The following MIPOL1 variants were observed in gnomAD, a reference collection of about 807,000 sequenced individuals.
The protein encoded by MIPOL1 is mirror-image polydactyly 1, also known as mirror-image polydactyly gene 1 protein.
In MIPOL1, 57 loss-of-function variants were observed where a neutral mutation model predicts 60.9. The observed-to-expected ratio is 0.94, with a 90% CI of 0.76 to 1.17. The LOEUF (loss-of-function observed/expected upper bound fraction) is 1.17, where lower values mean the gene tolerates loss of function less well. Among genes scored for constraint, MIPOL1 ranks in the 50% most tolerant of loss-of-function variants. The probability of loss-of-function intolerance (pLI) is 0.00; values close to 1 mark genes in which losing one functional copy is unlikely to be tolerated. For missense variants in MIPOL1, 551 were observed against 511.6 expected, an observed-to-expected ratio of 1.08 and a Z score of -0.74; for synonymous variants, 179 against 168.8, an observed-to-expected ratio of 1.06 and a Z score of -0.47.
chr14:37,321,021 G>A (rs1246039775), intron 9 of MIPOL1, among the ~76,000 whole-genome samples: 16 of 152,002 alleles, frequency 1.1e-4, no homozygotes, highest in African/African-American at 3.9e-4. Context: ...CTTAATTTGT[G>A]ATAGTGTAAG....
intron 12 of MIPOL1, among the ~76,000 whole-genome samples, chr14:37,516,229 A>G (rs1003407187): frequency 6.6e-6 from 1 of 152,208 alleles, no homozygotes; most frequent in African/African-American, 2.4e-5. Flanking sequence ...TATACAGGTC[A>G]GTGTCTCAGA....
At chr14:37,370,722 G>A (rs1156952776) in intron 10 of MIPOL1, among the ~76,000 whole-genome samples, 1 of 152,060 alleles carries the variant, frequency 6.6e-6, no homozygotes, top group Non-Finnish European at 1.5e-5. Flanking sequence ...TGTTATATTT[G>A]TCTAATGCAC....
chr14:37,515,095 C>T, intron 12 of MIPOL1, among the ~76,000 whole-genome samples: 1 of 152,126 alleles, frequency 6.6e-6, no homozygotes, highest in African/African-American at 2.4e-5. Context: ...TTCAGTGTAA[C>T]TTTGTCTGAT....
chr14:37,203,808 A>C (rs561661928), intron 1 of MIPOL1, among the ~76,000 whole-genome samples: 2 of 152,146 alleles, frequency 1.3e-5, no homozygotes, highest in African/African-American at 4.8e-5. Flanking sequence ...TTTGAGATGA[A>C]GTCTCACTCT....
At chr14:37,514,394 C>T (rs2095352773) in intron 12 of MIPOL1, among the ~76,000 whole-genome samples, 1 of 151,980 alleles carries the variant, frequency 6.6e-6, no homozygotes, top group South Asian at 2.1e-4. Context: ...TGTTAGTGTA[C>T]TTTAAAATAT....
intron 9 of MIPOL1, among the ~76,000 whole-genome samples, chr14:37,309,307 A>G (rs2087083241): frequency 6.6e-6 from 1 of 151,698 alleles, no homozygotes; most frequent in African/African-American, 2.4e-5. Context: ...TTCACTCCCT[A>G]AATACCTCCA....
At chr14:37,420,125 AGT>A (rs1401020796) in intron 10 of MIPOL1, among the ~76,000 whole-genome samples, 2 of 151,838 alleles carry the variant, frequency 1.3e-5, no homozygotes, top group African/African-American at 2.4e-5. Flanking sequence ...TGTGTATAAC[AGT>A]GTGTATAAAG....
At chr14:37,220,369 C>G (rs964244216) in intron 1 of MIPOL1, among the ~76,000 whole-genome samples, 6 of 152,048 alleles carry the variant, frequency 3.9e-5, no homozygotes, top group Admixed American at 2.6e-4. Context: ...GTATGACAAA[C>G]TTCTTCTTTA....
intron 1 of MIPOL1, among the ~76,000 whole-genome samples, chr14:37,237,616 ATTG>A (rs1331217810): frequency 6.6e-6 from 1 of 151,994 alleles, no homozygotes; most frequent in Non-Finnish European, 1.5e-5. Context: ...AAAAAGTTTT[ATTG>A]TTGTTGTTTG....
intron 6 of MIPOL1, among the ~76,000 whole-genome samples, chr14:37,276,081 T>A (rs2083636451): frequency 1.3e-5 from 2 of 151,074 alleles, no homozygotes; most frequent in African/African-American, 4.8e-5. Context: ...AGTTCCTAAG[T>A]CTTGTGTTTT....
At position 37,242,970 on chromosome 14, in the gene MIPOL1, A is replaced by G. The variant is rs549346048; in HGVS notation, c.-198-4133A>G. ...GAAGAGAGAATTCTAGGCATAGAGT[A>G]TAATAGCAAGATAAAAGCTCTGAGG... On this transcript the variant is annotated intron_variant, in intron 1 of 12. Coordinates refer to ENST00000684589, the MANE Select transcript of MIPOL1 (RefSeq NM_001388067.1). Among the ~76,000 whole-genome samples the G allele has an allele frequency of 1.7e-4, 26 of 152,344 alleles. No homozygotes were observed. In the South Asian group the frequency reaches 5.2e-3, roughly 30 times the overall value.
chr14:37,524,570 C>CT lies in MIPOL1; in HGVS notation c.1263-22320dup, dbSNP rs1298582410. ...ACATCTTAATTTTTCTTTTTCTTTT[C>CT]TTTTTTTTTTTTTTTGAGATGGAGT... On this transcript the variant is annotated intron_variant, in intron 12 of 12. Coordinates refer to ENST00000684589, the MANE Select transcript of MIPOL1 (RefSeq NM_001388067.1). Among the ~76,000 whole-genome samples, 263 of 121,798 alleles carry CT rather than the reference C, an allele frequency of 2.2e-3. 6 individuals carry two copies. The highest frequency in any genetic ancestry group is 0.013 in the Middle Eastern group (3 of 228). 79.9% of individuals were successfully genotyped at this position (121,798 alleles called of 152,430 possible). A position where few individuals can be genotyped will look rare whatever the true frequency, so the allele number is the denominator to read the frequency against.
At chr14:37,320,494 TTTG>T (rs1270921476) in intron 9 of MIPOL1, among the ~76,000 whole-genome samples, 1 of 152,072 alleles carries the variant, frequency 6.6e-6, no homozygotes, top group Admixed American at 6.6e-5. Context: ...ATTATTAAAT[TTTG>T]TTGTTTTTCT....
At chr14:37,346,429 G>A (rs1279617617) in intron 9 of MIPOL1, among the ~76,000 whole-genome samples, 4 of 152,148 alleles carry the variant, frequency 2.6e-5, no homozygotes, top group Non-Finnish European at 5.9e-5. Flanking sequence ...TGGTAGCCAT[G>A]GAAACAACCC....
chr14:37,443,317 G>C (rs2094279274), intron 11 of MIPOL1, among the ~76,000 whole-genome samples: 1 of 151,864 alleles, frequency 6.6e-6, no homozygotes, highest in Non-Finnish European at 1.5e-5. Flanking sequence ...AAATTAGCTA[G>C]GCATGGTGGT....
At chr14:37,449,364 A>G (rs1177909585) in intron 11 of MIPOL1, among the ~76,000 whole-genome samples, 1 of 152,226 alleles carries the variant, frequency 6.6e-6, no homozygotes, top group African/African-American at 2.4e-5. Context: ...ATAAACATTG[A>G]CATAATGTAG....
chr14:37,422,981 A>G (rs2093901912), intron 11 of MIPOL1, 32 bp downstream of exon 11: 1 of 1,345,364 alleles, frequency 7.4e-7, no homozygotes, highest in Non-Finnish European at 1.0e-6. Flanking sequence ...GGTTAAGTAA[A>G]TATTGTTAGT....
At chr14:37,302,364 T>G (rs891259645) in intron 7 of MIPOL1, among the ~76,000 whole-genome samples, 1 of 148,962 alleles carries the variant, frequency 6.7e-6, no homozygotes, top group African/African-American at 2.5e-5. Context: ...TGACAAATCA[T>G]ATTGAGCATC....
At chr14:37,223,663 C>T (rs774718847) in intron 1 of MIPOL1, among the ~76,000 whole-genome samples, 15 of 151,880 alleles carry the variant, frequency 9.9e-5, no homozygotes, top group Non-Finnish European at 1.5e-4. Context: ...CCACCACGCC[C>T]GGCTAATTTT....
Sources: allele counts gnomAD v4.1 joint callset (sites outside exome capture counted in the v4.1 genomes callset), GRCh38; gene constraint gnomAD v4.1.1; transcripts MANE v1.5; gene names NCBI Gene and HGNC (gene_info 2026-07-23, HGNC 2026-07-21).